The following SRPK2 variants were observed in gnomAD, a reference collection of about 807,000 sequenced individuals.
SRPK2 encodes SFRS protein kinase 2.
A neutral mutation model predicts 90.8 loss-of-function variants in SRPK2; 21 were observed. The ratio of observed to expected loss-of-function variants is 0.23; its 90% CI spans 0.16 to 0.33. The LOEUF is 0.33. Ranked by LOEUF, SRPK2 falls within the 10% of genes least tolerant of loss-of-function variation. The probability of loss-of-function intolerance (pLI) is 1.00; values close to 1 mark genes in which losing one functional copy is unlikely to be tolerated. For synonymous variants in SRPK2, 288 were observed against 311.1 expected (o/e 0.93, Z 0.78); for missense variants, 620 against 869.0 (o/e 0.71, Z 3.60).
At chr7:105,173,506 C>T (rs1791421026) in intron 3 of SRPK2, among the ~76,000 whole-genome samples, 1 of 152,148 alleles carries the variant, frequency 6.6e-6, no homozygotes, top group South Asian at 2.1e-4. Context: ...TCTCTGTCCC[C>T]GTGCACCAGA....
intron 2 of SRPK2, among the ~76,000 whole-genome samples, chr7:105,261,694 T>C (rs1210584721): frequency 1.3e-5 from 2 of 152,116 alleles, no homozygotes; most frequent in Non-Finnish European, 2.9e-5. Flanking sequence ...AAAATGCAAA[T>C]GAACATTATT....
In SRPK2 at chr7:105,383,052, A is replaced by ATTTTTTTTTTTTTTTTTTTTTTTTTT. The variant is rs1563315577; in HGVS notation, c.71+5595_71+5596insAAAAAAAAAAAAAAAAAAAAAAAAAA. On this transcript the variant is annotated intron_variant, in intron 2 of 15. Coordinates refer to ENST00000393651, the MANE Select transcript of SRPK2 (RefSeq NM_182692.3). ...AGTCTGAAATTATTTCAAAAGTAAA[A>ATTTTTTTTTTTTTTTTTTTTTTTTTT]ATTTTTTTTTTTTTTTTTTTTTTTT... is the stretch of plus-strand genomic sequence containing the variant. Among the ~76,000 whole-genome samples the ATTTTTTTTTTTTTTTTTTTTTTTTTT allele has an allele frequency of 6.6e-5, 7 of 105,276 alleles. 3 individuals are homozygous for ATTTTTTTTTTTTTTTTTTTTTTTTTT. The highest frequency in any genetic ancestry group is 1.1e-4 in the Non-Finnish European group (6 of 55,650). The allele number at this position is 105,276 out of a possible 152,430, so 69.1% of individuals were successfully genotyped here.
chr7:105,232,188 C>T (rs1326792528), intron 2 of SRPK2, among the ~76,000 whole-genome samples: 1 of 152,066 alleles, frequency 6.6e-6, no homozygotes, highest in Non-Finnish European at 1.5e-5. Context: ...GTTTGCAGGC[C>T]GGGCGCGGTG....
chr7:105,313,189 T>C (rs1811914958), intron 2 of SRPK2, among the ~76,000 whole-genome samples: 1 of 152,062 alleles, frequency 6.6e-6, no homozygotes, highest in South Asian at 2.1e-4. Context: ...CTCAAGCCTG[T>C]AATCCCAGCA....
intron 7 of SRPK2, among the ~76,000 whole-genome samples, chr7:105,155,960 T>C (rs1439159400): frequency 2.0e-5 from 3 of 152,176 alleles, no homozygotes; most frequent in Non-Finnish European, 4.4e-5. Flanking sequence ...GGGACATCTT[T>C]GAACATTCAT....
chr7:105,387,598 T>C (rs1462637324), intron 2 of SRPK2, among the ~76,000 whole-genome samples: 1 of 151,188 alleles, frequency 6.6e-6, no homozygotes, highest in Admixed American at 6.6e-5. Flanking sequence ...GGGAAAAAAG[T>C]GAGCGTGCTG....
At chr7:105,172,355 C>T (rs897602085) in intron 3 of SRPK2, among the ~76,000 whole-genome samples, 2 of 152,080 alleles carry the variant, frequency 1.3e-5, no homozygotes, top group Admixed American at 6.5e-5. Flanking sequence ...AATAGAGGAG[C>T]AGGGGAGTAG....
At chr7:105,149,957 G>A (rs1805377569) in intron 7 of SRPK2, among the ~76,000 whole-genome samples, 1 of 151,990 alleles carries the variant, frequency 6.6e-6, no homozygotes, top group African/African-American at 2.4e-5. Flanking sequence ...ATATATAAAA[G>A]CTCCCAGGCT....
chr7:105,310,006 G>T (rs990796100), intron 2 of SRPK2, among the ~76,000 whole-genome samples: 2 of 152,210 alleles, frequency 1.3e-5, no homozygotes, highest in Non-Finnish European at 2.9e-5. Context: ...CCTCACGCAT[G>T]GGGGAGAAGG....
At chr7:105,202,167 G>A (rs865804026) in intron 3 of SRPK2, among the ~76,000 whole-genome samples, 7 of 152,192 alleles carry the variant, frequency 4.6e-5, no homozygotes, top group Middle Eastern at 3.2e-3. Context: ...GAAAGAATCA[G>A]GTTAGAGTAG....
At chr7:105,382,000 T>C (rs1217908453) in intron 2 of SRPK2, among the ~76,000 whole-genome samples, 1 of 152,004 alleles carries the variant, frequency 6.6e-6, no homozygotes, top group East Asian at 1.9e-4. Flanking sequence ...AAACCCCATC[T>C]CTACTAAAAA....
At chr7:105,346,750 T>G (rs1478467592) in intron 2 of SRPK2, among the ~76,000 whole-genome samples, 1 of 149,830 alleles carries the variant, frequency 6.7e-6, no homozygotes, top group Non-Finnish European at 1.5e-5. Flanking sequence ...AGCGCAAGAC[T>G]CCATCTCAAA....
chr7:105,323,194 G>GAAAAAAAAAGTCCTAC (rs1813136084), intron 2 of SRPK2, among the ~76,000 whole-genome samples: 1 of 148,714 alleles, frequency 6.7e-6, no homozygotes, highest in Non-Finnish European at 1.5e-5. Flanking sequence ...CATCCAAAAA[G>GAAAAAAAAAGTCCTAC]AAAAAAAAAG....
At position 105,146,633 on chromosome 7, in the gene SRPK2, T is replaced by G; in HGVS notation, c.647A>C (p.His216Pro). ...RQVLQGLDYL[H>P]SKCKIIHTDI... ...AGTATGAATGATCTTGCACTTACTG[T>G]GTAAGTAATCTAACCCTTGAAGGAC... The change falls in exon 8 of 16, where the codon CAC becomes CCC. Residue 216 changes from histidine to proline, a missense_variant. Physicochemically the swap from His to Pro is moderately conservative, Grantham distance 77. Transcript: ENST00000393651. The G allele has an allele frequency of 1.2e-6, 2 of 1,614,194 alleles. No individual in the cohort carries two copies. The highest frequency in any genetic ancestry group is 8.5e-7 in the Non-Finnish European group (1 of 1,180,008).
At chr7:105,272,312 C>T (rs1472563093) in intron 2 of SRPK2, among the ~76,000 whole-genome samples, 2 of 152,240 alleles carry the variant, frequency 1.3e-5, no homozygotes, top group Non-Finnish European at 2.9e-5. Flanking sequence ...TTCTACATCT[C>T]AGCCTTTAAT....
At chr7:105,121,199 G>A (rs1006432887) in intron 15 of SRPK2, among the ~76,000 whole-genome samples, 1 of 151,900 alleles carries the variant, frequency 6.6e-6, no homozygotes, top group Non-Finnish European at 1.5e-5. Context: ...TACAAAATTG[G>A]CCAGGCGTGG....
At chr7:105,167,884 T>A (rs1195544493) in intron 5 of SRPK2, 124 bp downstream of exon 5, 1 of 761,614 alleles carries the variant, frequency 1.3e-6, no homozygotes, top group African/African-American at 1.8e-5. Context: ...GTGCTGAGAT[T>A]ATAGGCATGA....
rs1165214816 is a variant in SRPK2 at position 105,306,589 on chromosome 7, A to G, written c.71+82059T>C. 3 of 419,270 alleles carry G rather than the reference A, an allele frequency of 7.2e-6. No homozygotes were observed. The East Asian group carries it at 2.1e-4, about 30-fold the overall frequency. The allele number at this position is 419,270 out of a possible 1,614,324, so 26.0% of individuals were successfully genotyped here. ...TACTCCACCTGAACAAAGAAAAAACAGTCATGAAGAAAAAACATGTTGGCT... is the reference window on the plus strand; with the variant it reads ...TACTCCACCTGAACAAAGAAAAAACGGTCATGAAGAAAAAACATGTTGGCT... On this transcript the variant is annotated intron_variant, in intron 2 of 15. Coordinates refer to ENST00000393651, the MANE Select transcript of SRPK2 (RefSeq NM_182692.3).
chr7:105,307,441 C>CT (rs1360713520), intron 2 of SRPK2, among the ~76,000 whole-genome samples: 1 of 152,216 alleles, frequency 6.6e-6, no homozygotes, highest in East Asian at 1.9e-4. Context: ...AACAGAATCA[C>CT]TGACCAGCAG....
Sources: gnomAD v4.1 joint callset for allele counts (sites outside exome capture counted in the v4.1 genomes callset) on GRCh38, gnomAD v4.1.1 for gene constraint, MANE v1.5 for transcripts, NCBI Gene and HGNC (gene_info 2026-07-23, HGNC 2026-07-21) for gene names.